Variants in GHR observed in about 807,000 individuals in gnomAD.
GHR encodes growth hormone receptor.
In GHR, 35 loss-of-function variants were observed where a neutral mutation model predicts 67.1. The observed-to-expected ratio is 0.52, with a 90% CI of 0.40 to 0.69. The LOEUF is 0.69. Among genes scored for constraint, GHR ranks in the 30% least tolerant of loss-of-function variants. GHR has a pLI of 0.00. For synonymous variants in GHR, 272 were observed against 269.1 expected (o/e 1.01, Z -0.10); for missense variants, 792 against 764.6 (o/e 1.04, Z -0.42).
rs192110555 is a variant in GHR at position 42,685,876 on chromosome 5, C to A, written c.137-3014C>A. Among the ~76,000 whole-genome samples the A allele has an allele frequency of 1.8e-3, 266 of 151,986 alleles. 1 individual carries two copies. Among genetic ancestry groups the A allele is most frequent in the African/African-American group, 6.2e-3 (257 of 41,448 alleles). ...AGATGGGCAGATTGCAAAAATATTC[C>A]CCCATTCTGTAGGTTGCCTGTTCAC... On this transcript the variant is annotated intron_variant, in intron 3 of 9. Transcript: ENST00000230882.
intron 1 of GHR, among the ~76,000 whole-genome samples, chr5:42,500,619 A>G (rs1272579794): frequency 6.6e-6 from 1 of 152,192 alleles, no homozygotes; most frequent in Non-Finnish European, 1.5e-5. Flanking sequence ...ATGATGGGAG[A>G]GTGCATGTCA....
At chr5:42,659,636 G>C (rs920808881) in intron 3 of GHR, among the ~76,000 whole-genome samples, 1 of 152,280 alleles carries the variant, frequency 6.6e-6, no homozygotes, top group South Asian at 2.1e-4. Flanking sequence ...CTCTTCGATG[G>C]CCAAATAGGA....
At chr5:42,539,503 AGAGTCCT>A (rs909721132) in intron 1 of GHR, among the ~76,000 whole-genome samples, 1 of 152,206 alleles carries the variant, frequency 6.6e-6, no homozygotes, top group African/African-American at 2.4e-5. Context: ...TTGTCTCCAC[AGAGTCCT>A]GTGATGTGAA....
At chr5:42,448,619 G>A (rs1013800523) in intron 1 of GHR, among the ~76,000 whole-genome samples, 1 of 144,218 alleles carries the variant, frequency 6.9e-6, no homozygotes, top group African/African-American at 2.5e-5. Context: ...TTATTGCTGT[G>A]CAGAAGCTTT....
rs1196183736 is a variant in GHR at position 42,720,804 on chromosome 5, T to C, written c.*1380T>C. 6.6e-6 allele frequency: 1 copy of C among 152,212 alleles called. No homozygotes were observed. The highest frequency in any genetic ancestry group is 1.5e-5 in the Non-Finnish European group (1 of 68,032). The allele number at this position is 152,212 out of a possible 1,614,324, so 9.4% of individuals were successfully genotyped here. ...ATAGCAAAAGAAGAAGTTTCATCAT[T>C]TTTTACTTCCTCTCTGAGTGGACTG... On this transcript the variant is annotated 3_prime_UTR_variant, in exon 10 of 10. Transcript: ENST00000230882.
intron 4 of GHR, among the ~76,000 whole-genome samples, chr5:42,691,558 A>G (rs1757422765): frequency 6.6e-6 from 1 of 152,252 alleles, no homozygotes; most frequent in South Asian, 2.1e-4. Context: ...CTATAGAAAC[A>G]TGCTTCTCAT....
At chr5:42,664,312 C>T (rs1428870379) in intron 3 of GHR, among the ~76,000 whole-genome samples, 2 of 152,178 alleles carry the variant, frequency 1.3e-5, no homozygotes, top group African/African-American at 2.4e-5. Context: ...AAGAGCAAAG[C>T]TGGAGGCATC....
At chr5:42,634,327 C>T (rs1327137333) in intron 3 of GHR, among the ~76,000 whole-genome samples, 2 of 152,000 alleles carry the variant, frequency 1.3e-5, no homozygotes, top group Non-Finnish European at 2.9e-5. Flanking sequence ...TGAAATTGCC[C>T]ATGTCAACTC....
At chr5:42,651,296 C>A (rs534149730) in intron 3 of GHR, among the ~76,000 whole-genome samples, 30 of 152,270 alleles carry the variant, frequency 2.0e-4, no homozygotes, top group Non-Finnish European at 2.6e-4. Flanking sequence ...CTGTGTATAG[C>A]CTTTCCAACA....
At chr5:42,628,271 G>A (rs141046406) in intron 2 of GHR, among the ~76,000 whole-genome samples, 3,497 of 151,504 alleles carry the variant, frequency 0.023, 127 homozygotes, top group African/African-American at 0.078. Context: ...ACATGAAAAC[G>A]GAAATGCCTG....
In GHR at chr5:42,479,361, CT is replaced by C. The variant is rs1745500718; in HGVS notation, c.-12+55407del. Among the ~76,000 whole-genome samples, 3 of 152,258 alleles carry C rather than the reference CT, an allele frequency of 2.0e-5. No individual in the cohort carries two copies. The South Asian group carries it at 6.2e-4, about 32-fold the overall frequency. On this transcript the variant is annotated intron_variant, in intron 1 of 9. Transcript: ENST00000230882. ...CTAAAATTCTCTTTTTTGGTTGTGTCTCTGCCAGGCTTTGGTATCAGGATGA... is the reference window on the plus strand; with the variant it reads ...CTAAAATTCTCTTTTTTGGTTGTGTCCTGCCAGGCTTTGGTATCAGGATGA...
chr5:42,449,329 T>A (rs1743948634), intron 1 of GHR, among the ~76,000 whole-genome samples: 1 of 152,238 alleles, frequency 6.6e-6, no homozygotes, highest in Non-Finnish European at 1.5e-5. Context: ...TTTGTAGTTT[T>A]CCTTGTAGAG....
intron 2 of GHR, among the ~76,000 whole-genome samples, chr5:42,581,805 T>C (rs559325407): frequency 3.3e-5 from 5 of 152,236 alleles, no homozygotes; most frequent in African/African-American, 1.2e-4. Flanking sequence ...CCCAGTGCTC[T>C]TCAGGCACAG....
intron 3 of GHR, among the ~76,000 whole-genome samples, chr5:42,681,177 C>T (rs1214092380): frequency 6.6e-6 from 1 of 151,710 alleles, no homozygotes; most frequent in African/African-American, 2.4e-5. Context: ...AACAGGCAAC[C>T]TACAGAATGG....
intron 1 of GHR, among the ~76,000 whole-genome samples, chr5:42,429,632 T>A (rs955903143): frequency 1.3e-5 from 2 of 152,240 alleles, no homozygotes; most frequent in Non-Finnish European, 2.9e-5. Flanking sequence ...AAACATTTTT[T>A]CATGCCTGAA....
At chr5:42,557,803 C>A (rs1749392522) in intron 1 of GHR, among the ~76,000 whole-genome samples, 1 of 152,180 alleles carries the variant, frequency 6.6e-6, no homozygotes, top group African/African-American at 2.4e-5. Flanking sequence ...GATCAGATGT[C>A]ATCAAATAAA....
intron 1 of GHR, among the ~76,000 whole-genome samples, chr5:42,437,819 G>C (rs1255461244): frequency 6.6e-6 from 1 of 151,122 alleles, no homozygotes; most frequent in Non-Finnish European, 1.5e-5. Flanking sequence ...GCCTCTCCAA[G>C]TGCTGGGATT....
Position 42,718,456 on chromosome 5 carries a change from G to A in GHR, c.949G>A (p.Gly317Arg). The A allele has an allele frequency of 2.5e-6, 4 of 1,604,144 alleles. No individual in the cohort carries two copies. The highest frequency in any genetic ancestry group is 3.4e-6 in the Non-Finnish European group (4 of 1,171,456). Residue 317 changes from glycine to arginine, a missense_variant, in exon 10 of 10, where the codon GGA (glycine) becomes AGA (arginine). Gly to Arg is a moderately radical substitution (Grantham distance 125, BLOSUM62 -2). Coordinates refer to ENST00000230882, the MANE Select transcript of GHR (RefSeq NM_000163.5). The part of the protein sequence containing the change: ...KGIDPDLLKE[G>R]KLEEVNTILA... ...TCATTTTCTTTCTATTTTCTAGGAA[G>A]GAAAATTAGAGGAGGTGAACACAAT...
At chr5:42,443,415 T>C (rs536221960) in intron 1 of GHR, among the ~76,000 whole-genome samples, 2 of 152,242 alleles carry the variant, frequency 1.3e-5, no homozygotes, top group Admixed American at 6.5e-5. Context: ...CTTATAGGCA[T>C]AACTATTGCT....
Sources: allele counts gnomAD v4.1 joint callset (sites outside exome capture counted in the v4.1 genomes callset), GRCh38; gene constraint gnomAD v4.1.1; transcripts MANE v1.5; gene names NCBI Gene and HGNC (gene_info 2026-07-23, HGNC 2026-07-21).